C22orf42: variants seen among roughly 807,000 people sequenced by gnomAD.
C22orf42 encodes uncharacterized protein C22orf42.
In C22orf42, 24 loss-of-function variants were observed where a neutral mutation model predicts 31.4. That is an observed-to-expected ratio of 0.77 (90% confidence interval 0.55 to 1.08). C22orf42 has a LOEUF of 1.08. Among genes scored for constraint, C22orf42 ranks in the 50% least tolerant of loss-of-function variants. The pLI is 0.00. For missense variants in C22orf42, 276 were observed against 327.3 expected (o/e 0.84, Z 1.21); for synonymous variants, 96 against 112.7 (o/e 0.85, Z 0.94).
At chr22:32,152,889 TG>T (rs1921048809) in intron 2 of C22orf42, among the ~76,000 whole-genome samples, 1 of 152,166 alleles carries the variant, frequency 6.6e-6, no homozygotes, top group African/African-American at 2.4e-5. Context: ...AGGCACTGTA[TG>T]GTTCAGCGAC....
At chr22:32,150,670 C>T in intron 6 of C22orf42, 191 bp from the exon 7 acceptor site, 1 of 644,576 alleles carries the variant, frequency 1.6e-6, no homozygotes, top group Non-Finnish European at 2.7e-6. Context: ...ATGAAAGAGC[C>T]TTGGCTTTCT....
intron 1 of C22orf42, among the ~76,000 whole-genome samples, chr22:32,156,007 G>A (rs1283643718): frequency 6.6e-6 from 1 of 152,200 alleles, no homozygotes; most frequent in Non-Finnish European, 1.5e-5. Flanking sequence ...CTGCACTCCA[G>A]CCTGGGTGAT....
Position 32,149,537 on chromosome 22 carries a change from A to C in C22orf42, c.*3T>G, listed in dbSNP as rs1208998342. 6.5e-6 allele frequency: 10 copies of C among 1,533,512 alleles called. No individual in the cohort carries two copies. Among genetic ancestry groups the C allele is most frequent in the Non-Finnish European group, 7.0e-6 (8 of 1,134,866 alleles). The allele number at this position is 1,533,512 out of a possible 1,614,324, so 95.0% of individuals were successfully genotyped here. A position where few individuals can be genotyped will look rare whatever the true frequency, so the allele number is the denominator to read the frequency against. Reference sequence around the variant, plus strand: ...GCGTCTGTAATCCCAGCTACTTGGAACACTAAAGCCGGAGAAGTCCTAGAA... The same window carrying C: ...GCGTCTGTAATCCCAGCTACTTGGACCACTAAAGCCGGAGAAGTCCTAGAA... On this transcript the variant is annotated 3_prime_UTR_variant, in exon 9 of 9. Transcript: ENST00000382097.
chr22:32,150,586 C>T, intron 6 of C22orf42, 107 bp from the exon 7 acceptor site: 1 of 1,086,316 alleles, frequency 9.2e-7, no homozygotes, highest in Admixed American at 1.8e-5. Flanking sequence ...GGGCGGTTGA[C>T]AGGCATGGAC....
chr22:32,151,086 G>T (rs1271219281), intron 5 of C22orf42, 67 bp from the exon 6 acceptor site: 114 of 1,538,966 alleles, frequency 7.4e-5, no homozygotes, highest in Non-Finnish European at 9.8e-5. Context: ...GTTGGCAAAG[G>T]CCTTTTATTC....
Position 32,158,233 on chromosome 22 carries a change from T to C in C22orf42, c.232+751A>G, listed in dbSNP as rs139398846. Among the ~76,000 whole-genome samples the C allele has an allele frequency of 9.5e-3, 1,448 of 152,300 alleles. 21 individuals are homozygous for C. Among genetic ancestry groups the C allele is most frequent in the African/African-American group, 0.033 (1,390 of 41,552 alleles). On this transcript the variant is annotated intron_variant, in intron 1 of 8. Transcript: ENST00000382097. ...TAAAGCGTGATGACTGCGACTTGAA[T>C]GAAACCCTAGGACACATCACACTTT...
intron 1 of C22orf42, among the ~76,000 whole-genome samples, chr22:32,156,783 T>G (rs904965590): frequency 1.3e-5 from 2 of 150,780 alleles, no homozygotes; most frequent in Admixed American, 6.6e-5. Flanking sequence ...TTTCCAATAT[T>G]GAGCTATTGA....
chr22:32,150,734 A>C (rs1158121475), intron 6 of C22orf42: 1 of 628,276 alleles, frequency 1.6e-6, no homozygotes, highest in Non-Finnish European at 2.9e-6. Context: ...CAGTTAATAC[A>C]GAAAAGCACT....
chr22:32,151,731 G>C (rs552840220), intron 4 of C22orf42, among the ~76,000 whole-genome samples, 180 bp from the exon 5 acceptor site: 1 of 152,186 alleles, frequency 6.6e-6, no homozygotes, highest in Non-Finnish European at 1.5e-5. Flanking sequence ...AGGGTAGAAA[G>C]AAATGAAAGA....
intron 7 of C22orf42, 109 bp downstream of exon 7, chr22:32,150,210 A>G (rs1603176004): frequency 1.8e-6 from 2 of 1,140,590 alleles, no homozygotes; most frequent in Non-Finnish European, 2.5e-6. Context: ...AAAAAATTGT[A>G]TTTGTCTTCT....
At chr22:32,154,015 T>TCACA (rs111234718) in intron 2 of C22orf42, among the ~76,000 whole-genome samples, 7,122 of 146,888 alleles carry the variant, frequency 0.048, 185 homozygotes, top group Non-Finnish European at 0.062. Context: ...TGAGACCTTT[T>TCACA]CACACACACA....
chr22:32,159,151 G>C lies in C22orf42; in HGVS notation c.65C>G (p.Pro22Arg), dbSNP rs1026736565. ...SGGLNCDCCR[P>R]DVGPCHECEI... ...ACACTCATGGCAGGGTCCCACATCT[G>C]GCCTGCAGCAGTCACAGTTGAGGCC... Residue 22 changes from proline (P) to arginine (R), a missense_variant, in exon 1 of 9, where the codon CCA becomes CGA. By Grantham distance (103) the Pro-to-Arg change is moderately radical. Coordinates refer to ENST00000382097, the MANE Select transcript of C22orf42 (RefSeq NM_001010859.3). The C allele has an allele frequency of 1.9e-6, 3 of 1,614,032 alleles. No individual in the cohort carries two copies. The African/African-American group carries it at 4.0e-5, about 22-fold the overall frequency.
At chr22:32,159,332 G>A (rs1357515376), upstream of C22orf42, 2 of 1,470,510 alleles carry the variant, frequency 1.4e-6, no homozygotes, top group African/African-American at 1.4e-5. Flanking sequence ...CCGTTGCCTA[G>A]TAACCACAAA....
intron 1 of C22orf42, among the ~76,000 whole-genome samples, chr22:32,158,206 G>T (rs747418622): frequency 1.3e-5 from 2 of 152,100 alleles, no homozygotes; most frequent in African/African-American, 2.4e-5. Flanking sequence ...TCCCACTCTC[G>T]ATAAAGCGTG....
In C22orf42 at chr22:32,159,211, C is replaced by A. The variant is rs370318154; in HGVS notation, c.5G>T (p.Gly2Val). The A allele has an allele frequency of 5.0e-6, 8 of 1,612,848 alleles. No homozygotes were observed. The highest frequency in any genetic ancestry group is 1.3e-5 in the African/African-American group (1 of 74,922). Reference protein sequence around the residue: MGSKLTCCLGPS... With the variant: MVSKLTCCLGPS... ...GCCCAGGCAGCAAGTCAGTTTGCTC[C>A]CCATTGGGCACCTAAACACACAAAA... is the stretch of plus-strand genomic sequence containing the variant. The change falls in exon 1 of 9, where the codon GGG becomes GTG. Residue 2 changes from glycine to valine, a missense_variant. Transcript: ENST00000382097.
chr22:32,155,279 C>T (rs1008231948), intron 1 of C22orf42, among the ~76,000 whole-genome samples: 5 of 152,210 alleles, frequency 3.3e-5, no homozygotes, highest in Non-Finnish European at 7.3e-5. Context: ...ACTGCATTTA[C>T]TCACCTGGTC....
At chr22:32,151,640 G>C in intron 4 of C22orf42, 89 bp from the exon 5 acceptor site, 1 of 1,278,836 alleles carries the variant, frequency 7.8e-7, no homozygotes, top group South Asian at 1.2e-5. Context: ...GGGCTGGAGT[G>C]TGTGGAGGTG....
chr22:32,151,459 C>A (rs1920977125), intron 5 of C22orf42, 28 bp downstream of exon 5: 2 of 1,607,120 alleles, frequency 1.2e-6, no homozygotes, highest in East Asian at 2.2e-5. Flanking sequence ...AAAAGCATTT[C>A]TCTTCCAGAG....
chr22:32,152,487 A>T, intron 3 of C22orf42, 75 bp downstream of exon 3: 1 of 1,272,054 alleles, frequency 7.9e-7, no homozygotes, highest in East Asian at 2.3e-5. Flanking sequence ...GTCAAAAATG[A>T]TACTCACTTG....
Sources: gnomAD v4.1 joint callset for allele counts (sites outside exome capture counted in the v4.1 genomes callset) on GRCh38, gnomAD v4.1.1 for gene constraint, MANE v1.5 for transcripts, NCBI Gene and HGNC (gene_info 2026-07-23, HGNC 2026-07-21) for gene names.